The following BEND7 variants were observed in gnomAD, a reference collection of about 807,000 sequenced individuals.
BEND7 encodes the protein BEN domain containing 7.
BEND7 carries 28 observed loss-of-function variants against 50.9 expected under a neutral mutation model. The ratio of observed to expected loss-of-function variants is 0.55; its 90% CI spans 0.41 to 0.75. The LOEUF (loss-of-function observed/expected upper bound fraction) is 0.75. Ranked by LOEUF, BEND7 falls within the 30% of genes least tolerant of loss-of-function variation. The pLI, the probability that BEND7 is intolerant of heterozygous loss-of-function variation, is 0.00. For missense variants in BEND7, 477 were observed against 491.3 expected, an observed-to-expected ratio of 0.97 and a Z score of 0.28; for synonymous variants, 170 against 183.9, an observed-to-expected ratio of 0.92 and a Z score of 0.61.
chr10:13,484,134 C>T (rs766965568), intron 5 of BEND7, among the ~76,000 whole-genome samples: 18 of 152,262 alleles, frequency 1.2e-4, no homozygotes, highest in Middle Eastern at 3.4e-3. Flanking sequence ...TTAGTGGAGG[C>T]GGTGGTGGCA....
chr10:13,490,648 C>T (rs9329342), intron 5 of BEND7, among the ~76,000 whole-genome samples: 45,444 of 152,114 alleles, frequency 0.3, 7,354 homozygotes, highest in Non-Finnish European at 0.37. Flanking sequence ...TCTTCCTTTA[C>T]TGGAAACTTG....
At position 13,526,236 on chromosome 10, in the gene BEND7, C is replaced by A; in HGVS notation, c.62-15G>T. ...GTGGTGATAATCTGGCATGAGAAAACAACCAAAAATTAGAATCCTAAGGAC... is the reference window on the plus strand; with the variant it reads ...GTGGTGATAATCTGGCATGAGAAAAAAACCAAAAATTAGAATCCTAAGGAC... On this transcript the variant is annotated splice_polypyrimidine_tract_variant and intron_variant, in intron 1 of 8. Transcript: ENST00000466271. 1 of 1,272,198 alleles carries A rather than the reference C, an allele frequency of 7.9e-7. No homozygotes were observed. Among genetic ancestry groups the A allele is most frequent in the African/African-American group, 1.5e-5 (1 of 65,330 alleles). 78.8% of individuals were successfully genotyped at this position (1,272,198 alleles called of 1,614,324 possible). A position where few individuals can be genotyped will look rare whatever the true frequency, so the allele number is the denominator to read the frequency against.
At position 13,499,784 on chromosome 10, in the gene BEND7, A is replaced by C. The variant is rs1314659121; in HGVS notation, c.442T>G (p.Ser148Ala). The C allele has an allele frequency of 4.4e-6, 7 of 1,603,318 alleles. No homozygotes were observed. Among genetic ancestry groups the C allele is most frequent in the Non-Finnish European group, 6.0e-6 (7 of 1,172,116 alleles). ...TGTTTGTTGACAACCATACCATTGG[A>C]GCTCGTGGTAGGGTGGGGCTGGCTT... is the stretch of plus-strand genomic sequence containing the variant. Reference protein sequence around the residue: ...FQSQPHPTTSSNGELPVVNSS... With the variant: ...FQSQPHPTTSANGELPVVNSS... Residue 148 changes from serine to alanine, a missense_variant, in exon 3 of 9, where the codon TCC (serine) becomes GCC (alanine). Physicochemically the swap from Ser to Ala is moderately conservative, Grantham distance 99 (BLOSUM62 1). Coordinates refer to ENST00000466271, the MANE Select transcript of BEND7 (RefSeq NM_001369863.1).
chr10:13,515,757 G>A (rs1398211009), intron 2 of BEND7, among the ~76,000 whole-genome samples: 1 of 152,140 alleles, frequency 6.6e-6, no homozygotes, highest in East Asian at 1.9e-4. Flanking sequence ...AGGGTGGTGT[G>A]TTCAGTTGAT....
chr10:13,441,808 A>G, intron 8 of BEND7, 58 bp from the exon 9 acceptor site: 1 of 1,524,470 alleles, frequency 6.6e-7, no homozygotes, highest in Non-Finnish European at 9.1e-7. Flanking sequence ...CCAGAAATGG[A>G]AAAAGGCTAA....
chr10:13,521,333 A>C (rs954336777), intron 2 of BEND7, among the ~76,000 whole-genome samples: 1 of 152,130 alleles, frequency 6.6e-6, no homozygotes, highest in African/African-American at 2.4e-5. Flanking sequence ...TTCTTCATCC[A>C]TAAAGAGGGA....
intron 2 of BEND7, among the ~76,000 whole-genome samples, chr10:13,523,421 G>A (rs2079213469): frequency 6.6e-6 from 1 of 152,212 alleles, no homozygotes. Context: ...CTTGATGTGG[G>A]AACCTCTGCC....
downstream of BEND7, chr10:13,439,155 A>C (rs1481929293): frequency 1.9e-6 from 3 of 1,579,200 alleles, no homozygotes; most frequent in Admixed American, 5.4e-5. Context: ...ACACACACAT[A>C]AATAAGCAAG....
chr10:13,500,092 A>G lies in BEND7; in HGVS notation c.146-12T>C. 1 of 1,567,054 alleles carries G rather than the reference A, an allele frequency of 6.4e-7. No homozygotes were observed. Among genetic ancestry groups the G allele is most frequent in the Non-Finnish European group, 8.7e-7 (1 of 1,149,922 alleles). On this transcript the variant is annotated splice_polypyrimidine_tract_variant and intron_variant, in intron 2 of 8. Coordinates refer to ENST00000466271, the MANE Select transcript of BEND7 (RefSeq NM_001369863.1). ...CATGCTTTCATCTCCTAATGGAAAC[A>G]GGGCCAAAGTTAGCACTCTAAATTA...
intron 2 of BEND7, among the ~76,000 whole-genome samples, chr10:13,501,312 T>A (rs1244553051): frequency 6.7e-6 from 1 of 148,332 alleles, no homozygotes; most frequent in African/African-American, 2.5e-5. Flanking sequence ...AGGTAGAAGT[T>A]GTGGTGAGCC....
intron 2 of BEND7, among the ~76,000 whole-genome samples, chr10:13,522,757 G>T (rs1174875671): frequency 1.3e-5 from 2 of 152,188 alleles, no homozygotes; most frequent in Non-Finnish European, 2.9e-5. Context: ...ACCGTTCACA[G>T]ACAGGCGGTT....
In BEND7 at chr10:13,524,289, C is replaced by T. The variant is rs142816832; in HGVS notation, c.145+1849G>A. ...TTGTATGGTGAACGTAAATTTTCTA[C>T]TAAAGGGTAAATTCGTTATTTCGAA... On this transcript the variant is annotated intron_variant, in intron 2 of 8. Transcript: ENST00000466271. Among the ~76,000 whole-genome samples, 356 of 149,430 alleles carry T rather than the reference C, an allele frequency of 2.4e-3. 1 individual carries two copies. Among genetic ancestry groups the T allele is most frequent in the African/African-American group, 8.4e-3 (349 of 41,366 alleles).
intron 6 of BEND7, among the ~76,000 whole-genome samples, chr10:13,468,929 C>T (rs574132149): frequency 2.3e-4 from 35 of 152,342 alleles, no homozygotes; most frequent in African/African-American, 7.2e-4. Context: ...GCAGGGCTAC[C>T]GCTGACTCTT....
chr10:13,488,689 A>G (rs1042840439), intron 5 of BEND7, among the ~76,000 whole-genome samples: 12 of 152,044 alleles, frequency 7.9e-5, no homozygotes, highest in South Asian at 2.1e-4. Context: ...GGGTTTCACC[A>G]TGTTGGCCAG....
intron 5 of BEND7, among the ~76,000 whole-genome samples, chr10:13,488,550 C>G (rs2076410517): frequency 6.6e-6 from 1 of 152,120 alleles, no homozygotes; most frequent in African/African-American, 2.4e-5. Context: ...TGCAGCGGTG[C>G]AATCTCAGCT....
chr10:13,526,115 TATTA>T lies in BEND7; in HGVS notation c.145+19_145+22del. 5 of 1,215,748 alleles carry T rather than the reference TATTA, an allele frequency of 4.1e-6. No individual in the cohort carries two copies. Among genetic ancestry groups the T allele is most frequent in the East Asian group, 5.7e-5 (1 of 17,526 alleles). 75.3% of individuals were successfully genotyped at this position (1,215,748 alleles called of 1,614,324 possible). ...AAATGGTCACGATGTTTTGCTGAGG[TATTA>T]ATTGACATAGGAACCTACCTAAAAA... On this transcript the variant is annotated intron_variant, in intron 2 of 8. Transcript: ENST00000466271.
intron 7 of BEND7, among the ~76,000 whole-genome samples, chr10:13,450,689 C>T (rs1222822959): frequency 6.6e-6 from 1 of 152,092 alleles, no homozygotes; most frequent in Non-Finnish European, 1.5e-5. Flanking sequence ...ATCATCTAAA[C>T]CAGTGGTCAA....
chr10:13,502,196 T>G (rs1019090892), intron 2 of BEND7, among the ~76,000 whole-genome samples: 1 of 152,184 alleles, frequency 6.6e-6, no homozygotes, highest in Non-Finnish European at 1.5e-5. Context: ...ATATATGTGT[T>G]ATGTTACTAA....
Position 13,528,618 on chromosome 10 carries a change from G to T in BEND7, c.-85C>A. 6.8e-6 allele frequency: 5 copies of T among 737,108 alleles called. No individual in the cohort carries two copies. Among genetic ancestry groups the T allele is most frequent in the Non-Finnish European group, 8.3e-6 (5 of 604,672 alleles). 45.7% of individuals were successfully genotyped at this position (737,108 alleles called of 1,614,324 possible). ...GGCGGCAGCGGCAGCGGCGGCGCGGGCTCGTGTCACCGCGGCGGAGCCGCC... is the reference window on the plus strand; with the variant it reads ...GGCGGCAGCGGCAGCGGCGGCGCGGTCTCGTGTCACCGCGGCGGAGCCGCC... On this transcript the variant is annotated 5_prime_UTR_variant, in exon 1 of 9. Coordinates refer to ENST00000466271, the MANE Select transcript of BEND7 (RefSeq NM_001369863.1).
Sources: allele counts gnomAD v4.1 joint callset (sites outside exome capture counted in the v4.1 genomes callset), GRCh38; gene constraint gnomAD v4.1.1; transcripts MANE v1.5; gene names NCBI Gene and HGNC (gene_info 2026-07-23, HGNC 2026-07-21).